SLC35F6: variants seen among roughly 807,000 people sequenced by gnomAD.
SLC35F6 encodes solute carrier family 35 member F6, also known as ANT2-binding protein.
In SLC35F6, 26 loss-of-function variants were observed where a neutral mutation model predicts 29.4. That is an observed-to-expected ratio of 0.89 (90% CI 0.65 to 1.23). The LOEUF (loss-of-function observed/expected upper bound fraction) is 1.23. Ranked by LOEUF, SLC35F6 falls within the 50% of genes most tolerant of loss-of-function variation. The pLI, the probability that SLC35F6 is intolerant of heterozygous loss-of-function variation, is 0.00. For synonymous variants in SLC35F6, 174 were observed against 206.6 expected (o/e 0.84, Z 1.35); for missense variants, 428 against 487.8 (o/e 0.88, Z 1.15).
intron 1 of SLC35F6, among the ~76,000 whole-genome samples, chr2:26,773,527 G>A (rs1243939319): frequency 1.4e-5 from 2 of 147,990 alleles, no homozygotes; most frequent in Non-Finnish European, 3.0e-5. Context: ...AAAGACCAAG[G>A]ATTACAAAAG....
At chr2:26,769,803 G>A (rs1008069437) in intron 1 of SLC35F6, among the ~76,000 whole-genome samples, 10 of 152,216 alleles carry the variant, frequency 6.6e-5, no homozygotes, top group African/African-American at 2.4e-4. Context: ...GCTCAGTGAA[G>A]GGAAAGGAGA....
At chr2:26,764,992 T>A in intron 1 of SLC35F6, 1 of 985,452 alleles carries the variant, frequency 1.0e-6, no homozygotes, top group South Asian at 4.7e-5. Context: ...CAGCATCAAA[T>A]GCCCAGGTTA....
At position 26,778,347 on chromosome 2, in the gene SLC35F6, C is replaced by T. The variant is rs747864074; in HGVS notation, c.952C>T (p.Leu318=). ...LALGWEAFHA[L]QILGFLILLI... is the part of the protein sequence containing the mutation. The stretch of plus-strand genomic sequence containing the variant: ...ACTGGGCTGGGAGGCCTTCCATGCA[C>T]TGCAGATCCTTGGCTTCCTCATACT... Residue 318 remains leucine (L), a synonymous_variant, in exon 6 of 6, where the codon CTG becomes TTG. Transcript: ENST00000344420. 6.2e-7 allele frequency: 1 copy of T among 1,614,074 alleles called. No homozygotes were observed. Among genetic ancestry groups the T allele is most frequent in the African/African-American group, 1.3e-5 (1 of 74,930 alleles).
chr2:26,774,323 G>A lies in SLC35F6; in HGVS notation c.150G>A (p.Gln50=). Residue 50 remains glutamine, a splice_region_variant and synonymous_variant, in exon 2 of 6, where the codon CAG becomes CAA. Coordinates refer to ENST00000344420, the MANE Select transcript of SLC35F6 (RefSeq NM_017877.4). Reference sequence around the variant, plus strand: ...ACAGCTTCCAGCATCCCTTCCTCCAGGTATCTGGCCCTGTCCCTCCTACCT... The same window carrying A: ...ACAGCTTCCAGCATCCCTTCCTCCAAGTATCTGGCCCTGTCCCTCCTACCT... The part of the protein sequence containing the change: ...KEHSFQHPFL[Q]AVGMFLGEFS... 6.2e-7 allele frequency: 1 copy of A among 1,613,978 alleles called. No homozygotes were observed. The highest frequency in any genetic ancestry group is 8.5e-7 in the Non-Finnish European group (1 of 1,179,926).
chr2:26,764,781 A>C (rs1572629621), intron 1 of SLC35F6: 1 of 985,212 alleles, frequency 1.0e-6, no homozygotes, highest in Non-Finnish European at 1.2e-6. Flanking sequence ...ACTTGTGCAC[A>C]TGAGCCGCAG....
intron 5 of SLC35F6, among the ~76,000 whole-genome samples, chr2:26,777,199 A>C (rs1329925534): frequency 6.6e-6 from 1 of 152,240 alleles, no homozygotes; most frequent in East Asian, 1.9e-4. Flanking sequence ...ACTCCATCTC[A>C]AAAAATAATA....
At chr2:26,773,376 G>A (rs1310247339) in intron 1 of SLC35F6, among the ~76,000 whole-genome samples, 3 of 151,584 alleles carry the variant, frequency 2.0e-5, no homozygotes, top group Admixed American at 6.6e-5. Context: ...GGTGTCGGGC[G>A]CCTGTAGTCC....
rs200205090 is a variant in SLC35F6, at chr2:26,778,009, G to A, written c.647-33G>A. 6.3e-6 allele frequency: 10 copies of A among 1,577,566 alleles called. No individual in the cohort carries two copies. In the African/African-American group the frequency reaches 8.1e-5, roughly 13 times the overall value. On this transcript the variant is annotated intron_variant, in intron 5 of 5. Coordinates refer to ENST00000344420, the MANE Select transcript of SLC35F6 (RefSeq NM_017877.4). ...GGCTGTGCTGGGGGTCTGGGGGAAG[G>A]TGGAGAGTGTAACTGTTTCCTCTAC...
At chr2:26,770,036 C>T (rs1300322485) in intron 1 of SLC35F6, among the ~76,000 whole-genome samples, 2 of 152,080 alleles carry the variant, frequency 1.3e-5, no homozygotes, top group East Asian at 3.8e-4. Context: ...CCTCAGAGTC[C>T]CCATCTAAAA....
chr2:26,770,310 G>C (rs1351204902), intron 1 of SLC35F6, among the ~76,000 whole-genome samples: 2 of 152,174 alleles, frequency 1.3e-5, no homozygotes, highest in Non-Finnish European at 2.9e-5. Context: ...GGAGGCTGAG[G>C]TGAGAGGATC....
At chr2:26,764,692 C>A in intron 1 of SLC35F6, 1 of 715,226 alleles carries the variant, frequency 1.4e-6, no homozygotes, top group Non-Finnish European at 1.7e-6. Flanking sequence ...GGAGGGTTGG[C>A]CGATTCCTTT....
At position 26,778,105 on chromosome 2, in the gene SLC35F6, C is replaced by A. The variant is rs552403890; in HGVS notation, c.710C>A (p.Ser237Tyr). The change falls in exon 6 of 6, where the codon TCC becomes TAC. Residue 237 changes from serine to tyrosine, a missense_variant. Coordinates refer to ENST00000344420, the MANE Select transcript of SLC35F6 (RefSeq NM_017877.4). ...LVPMYYIPAG[S>Y]FSGNPRGTLE... is the part of the protein sequence containing the mutation. ...CCCATGTACTACATCCCCGCCGGCT[C>A]CTTCAGCGGAAACCCTCGTGGGACA... 1.9e-6 allele frequency: 3 copies of A among 1,614,186 alleles called. No homozygotes were observed.
Position 26,775,621 on chromosome 2 carries a change from G to C in SLC35F6, c.480G>C (p.Leu160=), listed in dbSNP as rs1221341695. 6.2e-7 allele frequency: 1 copy of C among 1,604,284 alleles called. No individual in the cohort carries two copies. Among genetic ancestry groups the C allele is most frequent in the Admixed American group, 1.7e-5 (1 of 59,226 alleles). Residue 160 remains leucine, a synonymous_variant, in exon 4 of 6, where the codon CTG becomes CTC. Coordinates refer to ENST00000344420, the MANE Select transcript of SLC35F6 (RefSeq NM_017877.4). This position sits in a 1 kb window ranked among gnomAD's most constrained non-coding sequence, Gnocchi z 4.6. ...ATIAGLVVVG[L]ADLLSKHDSQ... Reference sequence around the variant, plus strand: ...TCGCGGGGCTGGTGGTCGTGGGCCTGGCTGACCTCCTGAGCAAGCACGACA... The same window carrying C: ...TCGCGGGGCTGGTGGTCGTGGGCCTCGCTGACCTCCTGAGCAAGCACGACA...
At chr2:26,771,478 C>T (rs1448586500) in intron 1 of SLC35F6, among the ~76,000 whole-genome samples, 2 of 152,206 alleles carry the variant, frequency 1.3e-5, no homozygotes, top group Non-Finnish European at 2.9e-5. Context: ...GCTCTGTGCC[C>T]TTGGTAAGGC....
rs1038554118 is a variant in SLC35F6, at chr2:26,779,478, AAATACCCCTCTGCCCACAGCACC to A, written c.*969_*991del. The A allele has an allele frequency of 6.6e-6, 1 of 152,212 alleles. No homozygotes were observed. The highest frequency in any genetic ancestry group is 2.4e-5 in the African/African-American group (1 of 41,434). 9.4% of individuals were successfully genotyped at this position (152,212 alleles called of 1,614,324 possible). ...AAAACAGTAACAGCCCATCCACTGGAAATACCCCTCTGCCCACAGCACCACCCTTCTGTGCTGTTTTTTTTGTT... is the reference window on the plus strand; with the variant it reads ...AAAACAGTAACAGCCCATCCACTGGAACCCTTCTGTGCTGTTTTTTTTGTT... On this transcript the variant is annotated 3_prime_UTR_variant, in exon 6 of 6. Coordinates refer to ENST00000344420, the MANE Select transcript of SLC35F6 (RefSeq NM_017877.4).
rs373175788 is a variant in SLC35F6 at position 26,778,120 on chromosome 2, C to T, written c.725C>T (p.Pro242Leu). 3.1e-6 allele frequency: 5 copies of T among 1,614,244 alleles called. No homozygotes were observed. Among genetic ancestry groups the T allele is most frequent in the East Asian group, 2.2e-5 (1 of 44,882 alleles). Residue 242 changes from proline (P) to leucine (L), a missense_variant, in exon 6 of 6, where the codon CCT becomes CTT. By Grantham distance (98) the Pro-to-Leu change is moderately conservative. Coordinates refer to ENST00000344420, the MANE Select transcript of SLC35F6 (RefSeq NM_017877.4). ...YIPAGSFSGN[P>L]RGTLEDALDA... ...CCCGCCGGCTCCTTCAGCGGAAACC[C>T]TCGTGGGACACTGGAGGATGCATTG...
chr2:26,777,741 T>TGA (rs1664326987), intron 5 of SLC35F6, among the ~76,000 whole-genome samples: 3 of 117,498 alleles, frequency 2.6e-5, no homozygotes, highest in African/African-American at 1.3e-4. Flanking sequence ...AATGTTTTTA[T>TGA]GAGTGTGTGT....
intron 5 of SLC35F6, 85 bp downstream of exon 5, chr2:26,776,567 T>C (rs919269344): frequency 1.2e-5 from 15 of 1,243,132 alleles, no homozygotes; most frequent in Non-Finnish European, 1.7e-5. Context: ...CAGGGTTCAC[T>C]TGTGGGGGGT....
Position 26,778,883 on chromosome 2 carries a change from A to G in SLC35F6, c.*372A>G, listed in dbSNP as rs188855311. The G allele has an allele frequency of 8.4e-4, 179 of 212,260 alleles. 6 individuals carry two copies. The East Asian group carries it at 0.017, about 20-fold the overall frequency. The allele number at this position is 212,260 out of a possible 1,614,324, so 13.1% of individuals were successfully genotyped here. The stretch of plus-strand genomic sequence containing the variant: ...GTTTATGAGTCATAAGCTAGATTTG[A>G]TTCTTCAAAGAAGAAAAGTCAGTGA... On this transcript the variant is annotated 3_prime_UTR_variant, in exon 6 of 6. Coordinates refer to ENST00000344420, the MANE Select transcript of SLC35F6 (RefSeq NM_017877.4).
Sources: allele counts gnomAD v4.1 joint callset (sites outside exome capture counted in the v4.1 genomes callset), GRCh38; gene constraint gnomAD v4.1.1; non-coding constraint Gnocchi (gnomAD v3.1); transcripts MANE v1.5; gene names NCBI Gene and HGNC (gene_info 2026-07-23, HGNC 2026-07-21).